The following MYH11 variants were observed in gnomAD, a reference collection of about 807,000 sequenced individuals.
The protein encoded by MYH11 is myosin heavy chain 11.
Under a neutral mutation model 246.6 loss-of-function variants are expected in MYH11, and 80 were observed. The observed-to-expected ratio is 0.32, with a 90% confidence interval of 0.27 to 0.39. MYH11 has a LOEUF of 0.39. Among genes scored for constraint, MYH11 ranks in the 10% least tolerant of loss-of-function variants. MYH11 has a pLI of 1.00. For missense variants in MYH11, 2,158 were observed against 2,546.8 expected, an observed-to-expected ratio of 0.85 and a Z score of 3.29; for synonymous variants, 1,071 against 1,015.5, an observed-to-expected ratio of 1.05 and a Z score of -1.04.
intron 40 of MYH11, chr16:15,713,257 AAAAT>A (rs2039922741): frequency 6.6e-6 from 1 of 152,026 alleles, no homozygotes; most frequent in South Asian, 2.1e-4. Flanking sequence ...AAATGGAAAA[AAAAT>A]AGAAGTGTAC....
At chr16:15,801,268 G>C (rs1016336859) in intron 3 of MYH11, among the ~76,000 whole-genome samples, 2 of 152,174 alleles carry the variant, frequency 1.3e-5, no homozygotes, top group Non-Finnish European at 2.9e-5. Flanking sequence ...ACCAGGCAGA[G>C]CTTTGTGGAT....
chr16:15,747,826 G>A (rs1241393729), intron 18 of MYH11, 48 bp downstream of exon 18: 1 of 1,613,092 alleles, frequency 6.2e-7, no homozygotes, highest in African/African-American at 1.3e-5. Context: ...AGCAGCAGGT[G>A]GCTTGCGGCC....
At chr16:15,856,194 C>A (rs2044462762) in intron 1 of MYH11, among the ~76,000 whole-genome samples, 1 of 150,388 alleles carries the variant, frequency 6.6e-6, no homozygotes, top group Non-Finnish European at 1.5e-5. Context: ...ATCTGGGGGC[C>A]CTTTGGGGTC....
chr16:15,724,690 G>C lies in MYH11; in HGVS notation c.4073C>G (p.Ala1358Gly). ...GATGTGGCGCTCCAGGTTCTGCTTG[G>C]CCTCCATCTCCTCGTCCAGCTGGTC... The part of the protein sequence containing the change: ...LQDQLDEEME[A>G]KQNLERHIST... Residue 1358 changes from alanine to glycine, a missense_variant, in exon 30 of 41, where the codon GCC (alanine) becomes GGC (glycine). Physicochemically the swap from Ala to Gly is moderately conservative, Grantham distance 60. Transcript: ENST00000300036. The C allele has an allele frequency of 6.2e-7, 1 of 1,614,150 alleles. No homozygotes were observed. Among genetic ancestry groups the C allele is most frequent in the Non-Finnish European group, 8.5e-7 (1 of 1,180,006 alleles).
chr16:15,718,221 C>T (rs1292505589), intron 37 of MYH11, 94 bp downstream of exon 37: 6 of 1,591,080 alleles, frequency 3.8e-6, no homozygotes, highest in Non-Finnish European at 5.1e-6. Context: ...AGGGCCTGCA[C>T]ACAGGAAGCC....
At chr16:15,833,162 C>T (rs923643086) in intron 2 of MYH11, among the ~76,000 whole-genome samples, 8 of 151,054 alleles carry the variant, frequency 5.3e-5, no homozygotes, top group African/African-American at 1.5e-4. Context: ...AGCTGGGCAT[C>T]GTGCTACATG....
chr16:15,848,563 C>T (rs562538501), intron 1 of MYH11, among the ~76,000 whole-genome samples: 1 of 152,152 alleles, frequency 6.6e-6, no homozygotes, highest in Non-Finnish European at 1.5e-5. Context: ...TCTTGGGCTG[C>T]GTCATTCTGT....
At chr16:15,743,860 G>C (rs1184008567) in intron 20 of MYH11, among the ~76,000 whole-genome samples, 1 of 152,176 alleles carries the variant, frequency 6.6e-6, no homozygotes, top group Non-Finnish European at 1.5e-5. Context: ...GGCATATAAG[G>C]AGAAGCCTAG....
At chr16:15,814,951 A>G (rs1256391817) in intron 3 of MYH11, among the ~76,000 whole-genome samples, 4 of 152,242 alleles carry the variant, frequency 2.6e-5, no homozygotes, top group Non-Finnish European at 1.5e-5. Context: ...TGAAACCCTC[A>G]GCTTCTTTTC....
intron 23 of MYH11, 40 bp downstream of exon 23, chr16:15,740,011 G>A (rs766488065): frequency 1.4e-5 from 23 of 1,610,004 alleles, no homozygotes; most frequent in Admixed American, 8.3e-5. Flanking sequence ...CAAAGTGCTC[G>A]GATTATAGGC....
intron 7 of MYH11, among the ~76,000 whole-genome samples, chr16:15,777,097 G>GCAGACACACA (rs750248562): frequency 1.4e-5 from 2 of 145,436 alleles, no homozygotes; most frequent in Non-Finnish European, 3.0e-5. Context: ...GTATACACAC[G>GCAGACACACA]CACACATACA....
At position 15,856,817 on chromosome 16, in the gene MYH11, A is replaced by G. The variant is rs1247964422; in HGVS notation, c.-18+124T>C. The G allele has an allele frequency of 2.0e-5, 3 of 152,010 alleles. No homozygotes were observed. In the East Asian group the frequency reaches 5.8e-4, roughly 29 times the overall value. 9.4% of individuals were successfully genotyped at this position (152,010 alleles called of 1,614,324 possible). A position where few individuals can be genotyped will look rare whatever the true frequency, so the allele number is the denominator to read the frequency against. ...TCCAAATCACAACTCTGCCCCCACCATGGCCCTTACGAGGTTGACAACAGG... is the reference window on the plus strand; with the variant it reads ...TCCAAATCACAACTCTGCCCCCACCGTGGCCCTTACGAGGTTGACAACAGG... On this transcript the variant is annotated intron_variant, in intron 1 of 40. Coordinates refer to ENST00000300036, the MANE Select transcript of MYH11 (RefSeq NM_002474.3).
intron 3 of MYH11, among the ~76,000 whole-genome samples, chr16:15,801,849 C>G (rs1398723002): frequency 1.3e-5 from 2 of 151,058 alleles, no homozygotes; most frequent in South Asian, 2.1e-4. Flanking sequence ...CCAAGGTACT[C>G]CGGAGGCTGA....
At position 15,753,404 on chromosome 16, in the gene MYH11, C is replaced by A. The variant is rs2041626414; in HGVS notation, c.1854G>T (p.Leu618=). The change falls in exon 15 of 41, where the codon CTG becomes CTT. Residue 618 remains leucine, a synonymous_variant. Coordinates refer to ENST00000300036, the MANE Select transcript of MYH11 (RefSeq NM_002474.3). Reference sequence around the variant, plus strand: ...CAGAGAAGGCCTTACCGTCCTTCCACAGGTCGGCCACAAACTTGTCGGAGG... The same window carrying A: ...CAGAGAAGGCCTTACCGTCCTTCCAAAGGTCGGCCACAAACTTGTCGGAGG... ...NASSDKFVAD[L]WKDVDRIVGL... 1 of 1,613,948 alleles carries A rather than the reference C, an allele frequency of 6.2e-7. No homozygotes were observed. The highest frequency in any genetic ancestry group is 1.3e-5 in the African/African-American group (1 of 74,904).
At chr16:15,842,671 C>T (rs150678607) in intron 1 of MYH11, among the ~76,000 whole-genome samples, 7 of 140,534 alleles carry the variant, frequency 5.0e-5, no homozygotes, top group South Asian at 2.3e-4. Flanking sequence ...GGCTGAGGCA[C>T]GAGAATTGCT....
Position 15,823,370 on chromosome 16 carries a change from T to C in MYH11, c.387A>G (p.Lys129=), listed in dbSNP as rs78754138. ...TCTTCTCCGAGTAGATGGGCAGGTG[T>C]TTATAGGGGTTGACCACCACGCAGA... ...GLFCVVVNPY[K]HLPIYSEKIV... is the part of the protein sequence containing the mutation. The change falls in exon 3 of 41, where the codon AAA becomes AAG. Residue 129 remains lysine, a synonymous_variant. Coordinates refer to ENST00000300036, the MANE Select transcript of MYH11 (RefSeq NM_002474.3). The C allele has an allele frequency of 1.7e-3, 2,818 of 1,614,070 alleles. 41 individuals are homozygous for C. In the African/African-American group the frequency reaches 0.032, roughly 18 times the overall value.
rs770476352 is a variant in MYH11 at position 15,782,454 on chromosome 16, T to C, written c.657A>G (p.Leu219=). The C allele has an allele frequency of 1.2e-6, 2 of 1,614,216 alleles. No individual in the cohort carries two copies. Among genetic ancestry groups the C allele is most frequent in the Non-Finnish European group, 1.7e-6 (2 of 1,180,028 alleles). The change falls in exon 6 of 41, where the codon CTA becomes CTG. Residue 219 remains leucine (L), a synonymous_variant. Transcript: ENST00000300036. ...AAGCCTCCAGAATCGGGTTTGCTTG[T>C]AGAAGCTGCTTTTCCAGCTCTCCCT... ...SITGELEKQL[L]QANPILEAFG...
chr16:15,767,768 G>A (rs978802680), intron 9 of MYH11, among the ~76,000 whole-genome samples: 1 of 151,928 alleles, frequency 6.6e-6, no homozygotes, highest in Non-Finnish European at 1.5e-5. Flanking sequence ...GACCCACAGA[G>A]TAGAATGCCA....
At chr16:15,767,147 G>A (rs2042001287) in intron 9 of MYH11, among the ~76,000 whole-genome samples, 1 of 151,976 alleles carries the variant, frequency 6.6e-6, no homozygotes, top group African/African-American at 2.4e-5. Context: ...GTAGATGGAT[G>A]GACGGATGGG....
Sources: gnomAD v4.1 joint callset for allele counts (sites outside exome capture counted in the v4.1 genomes callset) on GRCh38, gnomAD v4.1.1 for gene constraint, MANE v1.5 for transcripts, NCBI Gene and HGNC (gene_info 2026-07-23, HGNC 2026-07-21) for gene names.